MAGI1: variants seen among roughly 807,000 people sequenced by gnomAD.
MAGI1 encodes membrane associated guanylate kinase, WW and PDZ domain containing 1, also known as membrane-associated guanylate kinase, WW and PDZ domain-containing protein 1.
MAGI1 carries 58 observed loss-of-function variants against 139.9 expected under a neutral mutation model. The observed-to-expected ratio is 0.41, with a 90% CI of 0.34 to 0.52. MAGI1 has a LOEUF of 0.52. Ranked by LOEUF, MAGI1 falls within the 20% of genes least tolerant of loss-of-function variation. The pLI is 0.12. For synonymous variants in MAGI1, 812 were observed against 737.9 expected (o/e 1.10, Z -1.63); for missense variants, 1,874 against 1,901.6 (o/e 0.99, Z 0.27).
At chr3:65,860,184 C>T (rs1575739545) in intron 1 of MAGI1, among the ~76,000 whole-genome samples, 1 of 152,252 alleles carries the variant, frequency 6.6e-6, no homozygotes, top group South Asian at 2.1e-4. Context: ...GTGTCAGCCA[C>T]CGCATCCAGC....
intron 1 of MAGI1, among the ~76,000 whole-genome samples, chr3:65,729,908 A>C (rs995508112): frequency 6.6e-5 from 10 of 152,244 alleles, no homozygotes; most frequent in Admixed American, 5.9e-4. Context: ...CTTTGGTTAT[A>C]TAAGTAGTTC....
chr3:65,532,748 T>G (rs2078771284), intron 2 of MAGI1: 2 of 152,224 alleles, frequency 1.3e-5, no homozygotes, highest in South Asian at 4.1e-4. Context: ...TCTAGGTTAC[T>G]TACCTTGGAG....
chr3:65,987,470 G>C (rs989519988), intron 1 of MAGI1, among the ~76,000 whole-genome samples: 1 of 152,204 alleles, frequency 6.6e-6, no homozygotes, highest in African/African-American at 2.4e-5. Flanking sequence ...TGGGAGGCCA[G>C]GGTAGGAACT....
chr3:65,825,838 A>T (rs1159396529), intron 1 of MAGI1, among the ~76,000 whole-genome samples: 2 of 152,038 alleles, frequency 1.3e-5, no homozygotes, highest in African/African-American at 4.8e-5. Flanking sequence ...AAATATAAAA[A>T]TTAGCCAGGC....
chr3:66,025,086 G>A (rs750051410), intron 1 of MAGI1, among the ~76,000 whole-genome samples: 2 of 152,172 alleles, frequency 1.3e-5, no homozygotes, highest in Admixed American at 6.5e-5. Context: ...TCGCTAAAAT[G>A]TATGTATGAG....
At chr3:65,777,876 A>T (rs560511310) in intron 1 of MAGI1, among the ~76,000 whole-genome samples, 1 of 152,324 alleles carries the variant, frequency 6.6e-6, no homozygotes, top group African/African-American at 2.4e-5. Context: ...TAAAAAATTT[A>T]GCAAGAAAAC....
chr3:65,525,008 A>G (rs532965242), intron 2 of MAGI1, among the ~76,000 whole-genome samples: 1 of 152,220 alleles, frequency 6.6e-6, no homozygotes, highest in Admixed American at 6.6e-5. Context: ...TTCACCATCG[A>G]GGTTCACTTG....
intron 1 of MAGI1, among the ~76,000 whole-genome samples, chr3:65,756,947 A>T (rs1577018309): frequency 1.3e-5 from 2 of 152,372 alleles, no homozygotes; most frequent in African/African-American, 4.8e-5. Flanking sequence ...CAAATTTGAA[A>T]GTATTTTAGT....
At position 65,391,402 on chromosome 3, in the gene MAGI1, T is replaced by C. The variant is rs746637023; in HGVS notation, c.2200-44A>G. 28 of 1,540,962 alleles carry C rather than the reference T, an allele frequency of 1.8e-5. No individual in the cohort carries two copies. The South Asian group carries it at 2.5e-4, about 14-fold the overall frequency. On this transcript the variant is annotated intron_variant, in intron 13 of 22. Transcript: ENST00000402939. ...GAGGGGCAAGAAGAAAAGATTATTA[T>C]TGGTTCTCTGAATGGGTGCTTTCCA... is the stretch of plus-strand genomic sequence containing the variant.
intron 12 of MAGI1, among the ~76,000 whole-genome samples, chr3:65,428,420 G>T (rs1180810350): frequency 6.6e-6 from 1 of 152,162 alleles, no homozygotes; most frequent in Non-Finnish European, 1.5e-5. Flanking sequence ...GAGGCAGAGG[G>T]TGGGATACGG....
chr3:65,651,844 A>T (rs1455765021), intron 1 of MAGI1, among the ~76,000 whole-genome samples: 1 of 152,168 alleles, frequency 6.6e-6, no homozygotes, highest in East Asian at 1.9e-4. Context: ...CACTCATCTC[A>T]AAGTGACTAC....
chr3:65,776,227 A>G (rs544844311), intron 1 of MAGI1, among the ~76,000 whole-genome samples: 2 of 140,420 alleles, frequency 1.4e-5, no homozygotes, highest in African/African-American at 5.2e-5. Context: ...ATGAAACACT[A>G]CTGGCATATA....
intron 1 of MAGI1, among the ~76,000 whole-genome samples, chr3:65,709,064 T>G (rs1234026421): frequency 6.6e-6 from 1 of 152,202 alleles, no homozygotes. Flanking sequence ...CATCTGGGCT[T>G]TGGCATAACA....
intron 1 of MAGI1, among the ~76,000 whole-genome samples, chr3:65,879,145 G>T (rs2060230545): frequency 1.3e-5 from 2 of 151,956 alleles, no homozygotes; most frequent in African/African-American, 4.8e-5. Flanking sequence ...AGCCTAATTG[G>T]GAGTGACTCA....
At position 65,375,816 on chromosome 3, in the gene MAGI1, G is replaced by A; in HGVS notation, c.3125C>T (p.Ser1042Phe). The A allele has an allele frequency of 6.2e-7, 1 of 1,614,082 alleles. No individual in the cohort carries two copies. The change falls in exon 18 of 23, where the codon TCC becomes TTC. Residue 1042 changes from serine (S) to phenylalanine (F), a missense_variant. Transcript: ENST00000402939. ...GATTAGGTTCACAATGTCTGAATGG[G>A]ATTTGTTGGTGATGGAACATCCATT... is the stretch of plus-strand genomic sequence containing the variant. ...AVNGCSITNK[S>F]HSDIVNLIKE...
At chr3:65,883,695 T>C (rs892295221) in intron 1 of MAGI1, among the ~76,000 whole-genome samples, 1 of 152,226 alleles carries the variant, frequency 6.6e-6, no homozygotes, top group African/African-American at 2.4e-5. Flanking sequence ...CCTTCCTGAA[T>C]TGCCACTGCA....
intron 1 of MAGI1, among the ~76,000 whole-genome samples, chr3:65,971,730 T>C (rs1173095370): frequency 6.6e-6 from 1 of 152,216 alleles, no homozygotes; most frequent in Non-Finnish European, 1.5e-5. Context: ...TCCTGCACCC[T>C]GCTGGGAGAA....
chr3:65,795,302 G>A (rs913103604), intron 1 of MAGI1, among the ~76,000 whole-genome samples: 1 of 152,070 alleles, frequency 6.6e-6, no homozygotes, highest in East Asian at 1.9e-4. Flanking sequence ...CAATAGCTGA[G>A]TGGCTAAAAA....
chr3:65,775,709 G>A (rs1005179267), intron 1 of MAGI1, among the ~76,000 whole-genome samples: 2 of 151,738 alleles, frequency 1.3e-5, no homozygotes, highest in African/African-American at 4.8e-5. Context: ...CAGAGGCGGA[G>A]GTGGGCGGGT....
Sources: gnomAD v4.1 joint callset for allele counts (sites outside exome capture counted in the v4.1 genomes callset) on GRCh38, gnomAD v4.1.1 for gene constraint, MANE v1.5 for transcripts, NCBI Gene and HGNC (gene_info 2026-07-23, HGNC 2026-07-21) for gene names.